The following CUBN variants were observed in gnomAD, a reference collection of about 807,000 sequenced individuals.
CUBN encodes 460 kDa receptor.
A neutral mutation model predicts 405.3 loss-of-function variants in CUBN; 282 were observed. The ratio of observed to expected loss-of-function variants is 0.70; its 90% CI spans 0.63 to 0.77. CUBN has a LOEUF of 0.77. Ranked by LOEUF, CUBN falls within the 30% of genes least tolerant of loss-of-function variation. The pLI is 0.00. For synonymous variants in CUBN, 1,684 were observed against 1,617.0 expected, an observed-to-expected ratio of 1.04 and a Z score of -0.99; for missense variants, 4,514 against 4,475.2, an observed-to-expected ratio of 1.01 and a Z score of -0.25.
intron 28 of CUBN, among the ~76,000 whole-genome samples, chr10:17,007,800 C>G (rs566360049): frequency 1.4e-4 from 22 of 152,180 alleles, no homozygotes; most frequent in Admixed American, 4.6e-4. Flanking sequence ...CGGGGCTGTG[C>G]AAGGAGAAGC....
At chr10:16,874,575 T>C in intron 57 of CUBN, 72 bp from the exon 58 acceptor site, 11 of 1,561,700 alleles carry the variant, frequency 7.0e-6, no homozygotes, top group Non-Finnish European at 9.7e-6. Flanking sequence ...TTTTAAGAGA[T>C]TCTATACTAT....
At chr10:16,994,830 C>A (rs1313241762) in intron 28 of CUBN, among the ~76,000 whole-genome samples, 5 of 152,140 alleles carry the variant, frequency 3.3e-5, no homozygotes, top group African/African-American at 1.2e-4. Context: ...TAGTTCACAC[C>A]TGTAATCCCA....
chr10:17,088,014 A>T, intron 15 of CUBN, 150 bp downstream of exon 15: 2 of 635,628 alleles, frequency 3.1e-6, no homozygotes. Flanking sequence ...TTAAAAATAG[A>T]GACTTTGCAA....
rs145892807 is a variant in CUBN at position 16,884,204 on chromosome 10, G to C, written c.8905+4213C>G. ...TCACCGTGTTAGCCAGGATGTTCTC[G>C]ACCCCCTGACCTCATGATCCGCCCA... On this transcript the variant is annotated intron_variant, in intron 56 of 66. Transcript: ENST00000377833. 8.4e-3 allele frequency among the ~76,000 whole-genome samples: 1,275 copies of C among 152,070 alleles called. 19 individuals are homozygous for C. Among genetic ancestry groups the C allele is most frequent in the African/African-American group, 0.029 (1,187 of 41,484 alleles).
At chr10:16,890,871 C>T (rs1038071224) in intron 54 of CUBN, among the ~76,000 whole-genome samples, 1 of 152,090 alleles carries the variant, frequency 6.6e-6, no homozygotes. Flanking sequence ...GGAGACGGAG[C>T]AGCCAGGTGG....
chr10:16,851,816 ATATTTCCCTCCCTCACTCTG>A (rs1839702131), intron 59 of CUBN, among the ~76,000 whole-genome samples: 1 of 64,504 alleles, frequency 1.6e-5, no homozygotes, highest in African/African-American at 7.6e-5. Flanking sequence ...CCCTCCCTCT[ATATTTCCCTCCCTCACTCTG>A]TCTTTCCCTC....
At position 16,954,525 on chromosome 10, in the gene CUBN, T is replaced by C. The variant is rs753077905; in HGVS notation, c.4719A>G (p.Thr1573=). Residue 1573 remains threonine, a synonymous_variant, in exon 32 of 67, where the codon ACA becomes ACG. Coordinates refer to ENST00000377833, the MANE Select transcript of CUBN (RefSeq NM_001081.4). ...CACACGTCCTGGCAAGGCGGGACAT[T>C]GTGGAGCTTAAGCCATCGTATGCCT... ...CIMAYDGLSS[T]MSRLARTCGR... 1.2e-6 allele frequency: 2 copies of C among 1,613,630 alleles called. No individual in the cohort carries two copies. The highest frequency in any genetic ancestry group is 1.7e-6 in the Non-Finnish European group (2 of 1,179,984).
At chr10:17,119,736 C>A (rs958224780) in intron 6 of CUBN, among the ~76,000 whole-genome samples, 6 of 152,150 alleles carry the variant, frequency 3.9e-5, no homozygotes, top group Non-Finnish European at 8.8e-5. Context: ...GGAGTAACAG[C>A]ATGGAGAAGT....
At chr10:16,905,118 C>T (rs1383482251) in intron 50 of CUBN, among the ~76,000 whole-genome samples, 2 of 152,200 alleles carry the variant, frequency 1.3e-5, no homozygotes, top group Admixed American at 6.5e-5. Flanking sequence ...TTTCAGCCTC[C>T]TTTTCTTTAA....
chr10:16,888,112 AG>A (rs1206967199), intron 56 of CUBN, among the ~76,000 whole-genome samples: 3 of 152,202 alleles, frequency 2.0e-5, no homozygotes, highest in Non-Finnish European at 4.4e-5. Flanking sequence ...TATTGGTCAC[AG>A]GATACAAAAT....
intron 28 of CUBN, among the ~76,000 whole-genome samples, chr10:17,005,890 A>C (rs1834008516): frequency 6.6e-6 from 1 of 152,252 alleles, no homozygotes; most frequent in African/African-American, 2.4e-5. Flanking sequence ...CAATTAAGTT[A>C]AAATGAAGCT....
chr10:16,945,454 G>A (rs922200968), intron 36 of CUBN, among the ~76,000 whole-genome samples: 2 of 152,052 alleles, frequency 1.3e-5, no homozygotes, highest in Non-Finnish European at 2.9e-5. Context: ...CATCCAGAAC[G>A]CTGTGCTCTT....
At chr10:17,103,818 G>A (rs1836555517) in intron 12 of CUBN, among the ~76,000 whole-genome samples, 1 of 152,238 alleles carries the variant, frequency 6.6e-6, no homozygotes, top group South Asian at 2.1e-4. Flanking sequence ...AAACAAGGAA[G>A]ATGTGTGAGG....
intron 60 of CUBN, among the ~76,000 whole-genome samples, chr10:16,844,106 T>C (rs1373093128): frequency 6.6e-6 from 1 of 151,806 alleles, no homozygotes; most frequent in Non-Finnish European, 1.5e-5. Context: ...CCCATCTCTA[T>C]TAAAAATACG....
intron 55 of CUBN, among the ~76,000 whole-genome samples, chr10:16,889,953 A>AAAAAG (rs57009841): frequency 0.013 from 1,557 of 117,966 alleles, 154 homozygotes; most frequent in African/African-American, 0.031. Context: ...AAAAAAAAAA[A>AAAAAG]CAGGAAAGAC....
At chr10:17,125,120 C>G (rs1033408611) in intron 4 of CUBN, among the ~76,000 whole-genome samples, 5 of 152,230 alleles carry the variant, frequency 3.3e-5, no homozygotes, top group African/African-American at 1.2e-4. Flanking sequence ...GCGTGAGCCA[C>G]CGTACCCAAC....
At chr10:17,105,960 G>C (rs187085593) in intron 10 of CUBN, among the ~76,000 whole-genome samples, 227 of 152,230 alleles carry the variant, frequency 1.5e-3, no homozygotes, top group African/African-American at 5.3e-3. Context: ...GCAAGCACTG[G>C]ACTTACTCTG....
chr10:17,088,050 G>C lies in CUBN; in HGVS notation c.1947+114C>G, dbSNP rs1836163488. On this transcript the variant is annotated intron_variant, in intron 15 of 66. Transcript: ENST00000377833. ...GAGTTAGATATTGACTGACTATTGA[G>C]AAACACACCTAACTACAGCTAATAT... is the stretch of plus-strand genomic sequence containing the variant. 5.2e-6 allele frequency: 4 copies of C among 771,460 alleles called. No homozygotes were observed. In the African/African-American group the frequency reaches 6.9e-5, roughly 13 times the overall value. 47.8% of individuals were successfully genotyped at this position (771,460 alleles called of 1,614,324 possible). A position where few individuals can be genotyped will look rare whatever the true frequency, so the allele number is the denominator to read the frequency against.
At chr10:16,976,063 C>T (rs11254311) in intron 31 of CUBN, among the ~76,000 whole-genome samples, 83,146 of 150,500 alleles carry the variant, frequency 0.55, 23,302 homozygotes, top group African/African-American at 0.59. Context: ...TCCTGCCTTC[C>T]ACCCTCAAGT....
Sources: allele counts gnomAD v4.1 joint callset (sites outside exome capture counted in the v4.1 genomes callset), GRCh38; gene constraint gnomAD v4.1.1; transcripts MANE v1.5; gene names NCBI Gene and HGNC (gene_info 2026-07-23, HGNC 2026-07-21).